BACE1: variants seen among roughly 807,000 people sequenced by gnomAD.
BACE1 encodes beta-secretase 1, also known as APP beta-secretase.
BACE1 carries 21 observed loss-of-function variants against 54.0 expected under a neutral mutation model. The ratio of observed to expected loss-of-function variants is 0.39; its 90% CI spans 0.28 to 0.56. The LOEUF is 0.56. BACE1 is among the 20% of genes least tolerant of loss of function. The pLI, the probability that BACE1 is intolerant of heterozygous loss-of-function variation, is 0.63. For missense variants in BACE1, 511 were observed against 661.2 expected, an observed-to-expected ratio of 0.77 and a Z score of 2.49; for synonymous variants, 232 against 260.9, an observed-to-expected ratio of 0.89 and a Z score of 1.07.
chr11:117,311,778 C>A (rs896478783), intron 1 of BACE1, among the ~76,000 whole-genome samples: 6 of 152,104 alleles, frequency 3.9e-5, no homozygotes, highest in African/African-American at 1.4e-4. Context: ...GTAGCTGGAA[C>A]TACAGGCACG....
intron 3 of BACE1, chr11:117,294,270 G>A: frequency 4.0e-6 from 1 of 252,848 alleles, no homozygotes; most frequent in South Asian, 8.2e-5. Context: ...AAGCTGGAGT[G>A]CAATGTTACG....
chr11:117,290,879 C>A, intron 7 of BACE1, 21 bp downstream of exon 7: 1 of 1,611,334 alleles, frequency 6.2e-7, no homozygotes, highest in South Asian at 1.1e-5. Flanking sequence ...AGAGATCCCC[C>A]TGACTCAGGC....
At chr11:117,307,173 G>A (rs1178248306) in intron 1 of BACE1, among the ~76,000 whole-genome samples, 1 of 152,166 alleles carries the variant, frequency 6.6e-6, no homozygotes, top group East Asian at 1.9e-4. Context: ...GAGAATCTCA[G>A]GGCAGCTCCA....
Position 117,287,351 on chromosome 11 carries a change from A to C in BACE1, c.*2215T>G, listed in dbSNP as rs371136858. On this transcript the variant is annotated 3_prime_UTR_variant, in exon 9 of 9. Transcript: ENST00000313005. ...AATGGGAAAGGCCCCAAATGCAGTGAGTGGAGAATGGGACAGTCATTTTTC... is the reference window on the plus strand; with the variant it reads ...AATGGGAAAGGCCCCAAATGCAGTGCGTGGAGAATGGGACAGTCATTTTTC... The C allele has an allele frequency of 4.6e-5, 7 of 152,656 alleles. No homozygotes were observed. The highest frequency in any genetic ancestry group is 2.9e-5 in the Non-Finnish European group (2 of 68,044). 9.5% of individuals were successfully genotyped at this position (152,656 alleles called of 1,614,324 possible).
chr11:117,315,597 G>T lies in BACE1; in HGVS notation c.199C>A (p.Leu67Met). Reference protein sequence around the residue: ...RGSFVEMVDNLRGKSGQGYYV... With the variant: ...RGSFVEMVDNMRGKSGQGYYV... Reference sequence around the variant, plus strand: ...TAGCCCTGCCCCGACTTGCCCCTCAGGTTGTCCACCATCTCCACAAAGCTG... The same window carrying T: ...TAGCCCTGCCCCGACTTGCCCCTCATGTTGTCCACCATCTCCACAAAGCTG... Residue 67 changes from leucine (L) to methionine (M), a missense_variant, in exon 1 of 9, where the codon CTG becomes ATG. Leu to Met is a conservative substitution (Grantham distance 15, BLOSUM62 2). Around this residue, in one of 2 missense-constraint regions of BACE1, gnomAD observed 104 missense variants for 95.5 expected, o/e 1.09. Transcript: ENST00000313005. The surrounding 1 kb of genome is among the most constrained non-coding windows in gnomAD (Gnocchi z 5.5). 1 of 1,590,136 alleles carries T rather than the reference G, an allele frequency of 6.3e-7. No homozygotes were observed. Among genetic ancestry groups the T allele is most frequent in the Non-Finnish European group, 8.5e-7 (1 of 1,169,798 alleles).
Position 117,291,738 on chromosome 11 carries a change from C to G in BACE1, c.916G>C (p.Val306Leu), listed in dbSNP as rs767280509. Residue 306 changes from valine to leucine, a missense_variant, in exon 6 of 9, where the codon GTC becomes CTC. By Grantham distance (32) the Val-to-Leu change is conservative (BLOSUM62 1). This residue lies in a region of BACE1 where 407 missense variants were observed against 565.7 expected (regional missense o/e 0.72). Coordinates refer to ENST00000313005, the MANE Select transcript of BACE1 (RefSeq NM_012104.6). The part of the protein sequence containing the change: ...RLPKKVFEAA[V>L]KSIKAASSTE... ...GAGGAGGCTGCCTTGATGGATTTGA[C>G]TGCAGCTTCAAACACTTTCTTGGGC... 2 of 1,613,396 alleles carry G rather than the reference C, an allele frequency of 1.2e-6. No individual in the cohort carries two copies. Among genetic ancestry groups the G allele is most frequent in the African/African-American group, 2.7e-5 (2 of 74,910 alleles).
chr11:117,289,210 ACT>A lies in BACE1; in HGVS notation c.*354_*355del. On this transcript the variant is annotated 3_prime_UTR_variant, in exon 9 of 9. Coordinates refer to ENST00000313005, the MANE Select transcript of BACE1 (RefSeq NM_012104.6). ...AAGGTAACCTGCGTGTGATGCCAGT[ACT>A]TCTGAAACTAAGAAAAGAAGAATAC... 66 of 249,442 alleles carry A rather than the reference ACT, an allele frequency of 2.6e-4. No individual in the cohort carries two copies. The highest frequency in any genetic ancestry group is 5.8e-4 in the East Asian group (7 of 12,154). The allele number at this position is 249,442 out of a possible 1,614,324, so 15.5% of individuals were successfully genotyped here.
intron 8 of BACE1, 41 bp downstream of exon 8, chr11:117,290,446 AT>A: frequency 6.2e-7 from 1 of 1,600,410 alleles, no homozygotes; most frequent in East Asian, 2.2e-5. Flanking sequence ...CAAGGAAAAT[AT>A]GGAGAGACTG....
At position 117,286,397 on chromosome 11, in the gene BACE1, T is replaced by A. The variant is rs1276640495; in HGVS notation, c.*3169A>T. ...TCTTTTCCTATCCTTTTATCTTTAC[T>A]CCTACAGGGAATGGCCTCAGCTCCC... is the stretch of plus-strand genomic sequence containing the variant. On this transcript the variant is annotated 3_prime_UTR_variant, in exon 9 of 9. Coordinates refer to ENST00000313005, the MANE Select transcript of BACE1 (RefSeq NM_012104.6). 6.6e-6 allele frequency: 1 copy of A among 152,194 alleles called. No individual in the cohort carries two copies. The highest frequency in any genetic ancestry group is 1.5e-5 in the Non-Finnish European group (1 of 68,040). 9.4% of individuals were successfully genotyped at this position (152,194 alleles called of 1,614,324 possible). A position where few individuals can be genotyped will look rare whatever the true frequency, so the allele number is the denominator to read the frequency against.
chr11:117,297,660 T>A (rs1043376936), intron 1 of BACE1, among the ~76,000 whole-genome samples: 1 of 151,906 alleles, frequency 6.6e-6, no homozygotes, highest in Admixed American at 6.6e-5. Flanking sequence ...AAAATAGTTA[T>A]GGGAGGGATA....
At chr11:117,308,968 C>A (rs887945711) in intron 1 of BACE1, among the ~76,000 whole-genome samples, 7 of 151,972 alleles carry the variant, frequency 4.6e-5, no homozygotes, top group Admixed American at 2.6e-4. Context: ...AACAAACAAA[C>A]AAAAAAACTA....
intron 1 of BACE1, among the ~76,000 whole-genome samples, chr11:117,300,531 G>A (rs2034702343): frequency 6.6e-6 from 1 of 152,158 alleles, no homozygotes; most frequent in Non-Finnish European, 1.5e-5. Context: ...ATGAAACAGG[G>A]CAGTTCAGGG....
chr11:117,308,537 A>G (rs1254179230), intron 1 of BACE1, among the ~76,000 whole-genome samples: 1 of 152,148 alleles, frequency 6.6e-6, no homozygotes, highest in East Asian at 1.9e-4. Flanking sequence ...TAACAGAATC[A>G]CTTTGGACAA....
chr11:117,303,979 G>C (rs573022719), intron 1 of BACE1, among the ~76,000 whole-genome samples: 1 of 152,284 alleles, frequency 6.6e-6, no homozygotes, highest in African/African-American at 2.4e-5. Flanking sequence ...CTTAAGTGTG[G>C]TCTTTCATCT....
In BACE1 at chr11:117,293,241, T is replaced by G; in HGVS notation, c.706-53A>C. 6.3e-7 allele frequency: 1 copy of G among 1,593,836 alleles called. No homozygotes were observed. Among genetic ancestry groups the G allele is most frequent in the Non-Finnish European group, 8.6e-7 (1 of 1,168,208 alleles). On this transcript the variant is annotated intron_variant, in intron 4 of 8. Coordinates refer to ENST00000313005, the MANE Select transcript of BACE1 (RefSeq NM_012104.6). This position sits in a 1 kb window ranked among gnomAD's most constrained non-coding sequence, Gnocchi z 4.1. ...TGTCCTGGCACAGAAGGAGAGTGAG[T>G]CCCCCAAGGACCAAGCAATAAGATC...
At chr11:117,309,588 C>A (rs1378885952) in intron 1 of BACE1, among the ~76,000 whole-genome samples, 3 of 152,236 alleles carry the variant, frequency 2.0e-5, no homozygotes, top group Non-Finnish European at 4.4e-5. Flanking sequence ...CCTTTTCCAG[C>A]AAGCTGTGCC....
Position 117,291,697 on chromosome 11 carries a change from C to T in BACE1, c.942+15G>A. Reference sequence around the variant, plus strand: ...ACTGTACCATCTCTTTTACCCCCATCCTTAGTCCACTCACGGAGGAGGCTG... The same window carrying T: ...ACTGTACCATCTCTTTTACCCCCATTCTTAGTCCACTCACGGAGGAGGCTG... On this transcript the variant is annotated intron_variant, in intron 6 of 8. Coordinates refer to ENST00000313005, the MANE Select transcript of BACE1 (RefSeq NM_012104.6). The T allele has an allele frequency of 6.3e-7, 1 of 1,588,444 alleles. No individual in the cohort carries two copies. Among genetic ancestry groups the T allele is most frequent in the Non-Finnish European group, 8.6e-7 (1 of 1,157,010 alleles).
chr11:117,290,186 C>T (rs1358433504), intron 8 of BACE1, among the ~76,000 whole-genome samples: 3 of 152,214 alleles, frequency 2.0e-5, no homozygotes, highest in Non-Finnish European at 4.4e-5. Context: ...CATGTGGCAG[C>T]TGACAGGGTC....
At chr11:117,307,561 C>T (rs1565365859) in intron 1 of BACE1, among the ~76,000 whole-genome samples, 1 of 152,212 alleles carries the variant, frequency 6.6e-6, no homozygotes. Context: ...ATCTGCCTGC[C>T]TCGGCCTCCC....
Sources: gnomAD v4.1 joint callset for allele counts (sites outside exome capture counted in the v4.1 genomes callset) on GRCh38, gnomAD v4.1.1 for gene constraint, gnomAD v4.1.1 regional missense constraint, Gnocchi (gnomAD v3.1) non-coding constraint, MANE v1.5 for transcripts, NCBI Gene and HGNC (gene_info 2026-07-23, HGNC 2026-07-21) for gene names.